The following ARHGAP6 variants were observed in gnomAD, a reference collection of about 807,000 sequenced individuals.
ARHGAP6 encodes the protein Rho GTPase activating protein 6.
Under a neutral mutation model 55.7 loss-of-function variants are expected in ARHGAP6, and 16 were observed. The observed-to-expected ratio is 0.29, with a 90% CI of 0.19 to 0.44. The LOEUF (loss-of-function observed/expected upper bound fraction) is 0.44. Ranked by LOEUF, ARHGAP6 falls within the 20% of genes least tolerant of loss-of-function variation. ARHGAP6 has a pLI of 1.00. For synonymous variants in ARHGAP6, 382 were observed against 360.9 expected (o/e 1.06, Z -0.66); for missense variants, 698 against 808.9 (o/e 0.86, Z 1.66).
At chrX:11,558,186 A>C (rs1487585173) in intron 1 of ARHGAP6, among the ~76,000 whole-genome samples, 1 of 111,693 alleles carries the variant, frequency 9.0e-6, no homozygotes, top group African/African-American at 3.3e-5. Flanking sequence ...GGCATTATTT[A>C]TTATTGGTGT....
chrX:11,519,079 A>C, intron 1 of ARHGAP6, among the ~76,000 whole-genome samples: 1 of 93,901 alleles, frequency 1.1e-5, no homozygotes, highest in East Asian at 3.6e-4. Context: ...ATTGTGAATA[A>C]TGCCGCAATA....
chrX:11,626,739 T>C (rs1227693660), intron 1 of ARHGAP6, among the ~76,000 whole-genome samples: 2 of 111,990 alleles, frequency 1.8e-5, no homozygotes, highest in South Asian at 7.3e-4. Context: ...AATTTTTAAC[T>C]TGATAGACAT....
intron 1 of ARHGAP6, among the ~76,000 whole-genome samples, chrX:11,596,755 A>G: frequency 9.0e-6 from 1 of 110,741 alleles, no homozygotes; most frequent in Middle Eastern, 4.6e-3. Context: ...TGGTCTCATG[A>G]CTCATACTTA....
intron 1 of ARHGAP6, among the ~76,000 whole-genome samples, chrX:11,637,326 C>A (rs2052429561): frequency 9.0e-6 from 1 of 111,320 alleles, no homozygotes; most frequent in Admixed American, 9.6e-5. Flanking sequence ...ATGTTCAGGG[C>A]AATTCCACTA....
intron 1 of ARHGAP6, among the ~76,000 whole-genome samples, chrX:11,620,764 T>C (rs1034578379): frequency 1.8e-5 from 2 of 112,048 alleles, no homozygotes; most frequent in African/African-American, 3.2e-5. Flanking sequence ...TTGGTGGTCA[T>C]AACTGGAGGG....
At chrX:11,317,716 G>A (rs1006374625) in intron 1 of ARHGAP6, among the ~76,000 whole-genome samples, 4 of 111,525 alleles carry the variant, frequency 3.6e-5, no homozygotes, top group Non-Finnish European at 5.6e-5. Context: ...AAATGACACC[G>A]GCCCCACCTT....
At chrX:11,278,146 G>C (rs1397858032) in intron 1 of ARHGAP6, among the ~76,000 whole-genome samples, 2 of 111,697 alleles carry the variant, frequency 1.8e-5, no homozygotes, top group East Asian at 5.6e-4. Context: ...AGGATAGGTA[G>C]TGCAGAATAA....
chrX:11,444,166 T>C (rs748604331), intron 1 of ARHGAP6, among the ~76,000 whole-genome samples: 3 of 112,136 alleles, frequency 2.7e-5, no homozygotes, highest in Admixed American at 9.4e-5. Context: ...ATATACAGTC[T>C]GTGTCACAAC....
intron 9 of ARHGAP6, among the ~76,000 whole-genome samples, chrX:11,158,221 G>C (rs762223026): frequency 1.6e-4 from 18 of 111,966 alleles, no homozygotes; most frequent in South Asian, 3.7e-4. Context: ...CATCATAGTT[G>C]CCTGAGCAAT....
intron 1 of ARHGAP6, among the ~76,000 whole-genome samples, chrX:11,297,834 G>A (rs990803772): frequency 1.8e-5 from 2 of 112,086 alleles, no homozygotes; most frequent in Non-Finnish European, 3.8e-5. Flanking sequence ...TTAACATCAT[G>A]TCATATTATT....
chrX:11,141,346 A>G (rs1014820359), intron 12 of ARHGAP6, among the ~76,000 whole-genome samples: 1 of 109,812 alleles, frequency 9.1e-6, no homozygotes, highest in South Asian at 3.9e-4. Flanking sequence ...GAGAAGAGAC[A>G]GTGATAAAAT....
chrX:11,393,278 C>A (rs1300966002), intron 1 of ARHGAP6, among the ~76,000 whole-genome samples: 10 of 109,604 alleles, frequency 9.1e-5, no homozygotes, highest in Non-Finnish European at 1.9e-5. Flanking sequence ...AAAGCAAAAA[C>A]CAAAAACAGC....
At chrX:11,298,391 T>C in intron 1 of ARHGAP6, 2 of 1,123,728 alleles carry the variant, frequency 1.8e-6, no homozygotes, top group Admixed American at 2.2e-5. Flanking sequence ...GGAAATTTAG[T>C]TTGTAAAAAA....
At chrX:11,515,440 C>G in intron 1 of ARHGAP6, among the ~76,000 whole-genome samples, 1 of 111,612 alleles carries the variant, frequency 9.0e-6, no homozygotes, top group East Asian at 2.8e-4. Context: ...TCAAAATTAT[C>G]AGTTTGAGTA....
intron 1 of ARHGAP6, among the ~76,000 whole-genome samples, chrX:11,522,300 A>T (rs1354025499): frequency 1.8e-5 from 2 of 111,277 alleles, no homozygotes; most frequent in African/African-American, 6.5e-5. Flanking sequence ...TCTAAAATTG[A>T]CACCCTAACG....
At chrX:11,439,649 T>C (rs2050021702) in intron 1 of ARHGAP6, among the ~76,000 whole-genome samples, 1 of 112,616 alleles carries the variant, frequency 8.9e-6, no homozygotes, top group Non-Finnish European at 1.9e-5. Flanking sequence ...GATTATTTTG[T>C]TTCATTTATA....
At chrX:11,149,819 A>G in intron 10 of ARHGAP6, among the ~76,000 whole-genome samples, 1 of 112,433 alleles carries the variant, frequency 8.9e-6, no homozygotes, top group Admixed American at 9.4e-5. Context: ...TCATTCAATA[A>G]GATGAACATC....
At chrX:11,424,625 C>T (rs190214067) in intron 1 of ARHGAP6, among the ~76,000 whole-genome samples, 46 of 111,827 alleles carry the variant, frequency 4.1e-4, no homozygotes, top group African/African-American at 1.4e-3. Context: ...GAATCTCTCC[C>T]AGGCCCAAAT....
intron 2 of ARHGAP6, among the ~76,000 whole-genome samples, chrX:11,248,782 G>T (rs1222945533): frequency 1.8e-5 from 2 of 111,895 alleles, no homozygotes; most frequent in African/African-American, 6.5e-5. Context: ...TGTTGGTGTG[G>T]ATGCGGTGAA....
Sources: allele counts gnomAD v4.1 joint callset (sites outside exome capture counted in the v4.1 genomes callset), GRCh38; gene constraint gnomAD v4.1.1; transcripts MANE v1.5; gene names NCBI Gene and HGNC (gene_info 2026-07-23, HGNC 2026-07-21).